The following CTNNA3 variants were observed in gnomAD, a reference collection of about 807,000 sequenced individuals.
The protein encoded by CTNNA3 is catenin alpha 3, also known as catenin alpha-3.
CTNNA3 carries 76 observed loss-of-function variants against 95.7 expected under a neutral mutation model. The ratio of observed to expected loss-of-function variants is 0.79; its 90% CI spans 0.66 to 0.96. CTNNA3 has a LOEUF of 0.96. Ranked by LOEUF, CTNNA3 falls within the 40% of genes least tolerant of loss-of-function variation. The probability of loss-of-function intolerance (pLI) is 0.00; values close to 1 mark genes in which losing one functional copy is unlikely to be tolerated. For synonymous variants in CTNNA3, 431 were observed against 374.4 expected (o/e 1.15, Z -1.74); for missense variants, 1,191 against 1,089.8 (o/e 1.09, Z -1.31).
At chr10:66,703,762 G>T (rs7089600) in intron 9 of CTNNA3, among the ~76,000 whole-genome samples, 1 of 151,958 alleles carries the variant, frequency 6.6e-6, no homozygotes, top group Non-Finnish European at 1.5e-5. Context: ...AATTTTTGTA[G>T]GGGCTACCTC....
intron 7 of CTNNA3, among the ~76,000 whole-genome samples, chr10:67,058,629 G>T (rs1333540311): frequency 6.6e-6 from 1 of 151,960 alleles, no homozygotes; most frequent in Non-Finnish European, 1.5e-5. Context: ...GTGCGCAGAA[G>T]CCCAGAGAGC....
intron 5 of CTNNA3, among the ~76,000 whole-genome samples, chr10:67,517,306 A>G (rs983043014): frequency 1.3e-5 from 2 of 152,186 alleles, no homozygotes; most frequent in Non-Finnish European, 2.9e-5. Flanking sequence ...CATGAAAAAG[A>G]TAAGAGATAA....
At chr10:66,498,619 G>T (rs1840176000) in intron 11 of CTNNA3, among the ~76,000 whole-genome samples, 1 of 152,094 alleles carries the variant, frequency 6.6e-6, no homozygotes, top group African/African-American at 2.4e-5. Flanking sequence ...AAACACATCA[G>T]ATTTTACATT....
chr10:67,437,294 G>A (rs558041393), intron 5 of CTNNA3, among the ~76,000 whole-genome samples: 1 of 152,126 alleles, frequency 6.6e-6, no homozygotes, highest in Admixed American at 6.6e-5. Flanking sequence ...GCATAAGAAT[G>A]ATACAATGGA....
chr10:67,620,424 A>G (rs1354960041), intron 2 of CTNNA3, among the ~76,000 whole-genome samples: 1 of 152,064 alleles, frequency 6.6e-6, no homozygotes, highest in African/African-American at 2.4e-5. Flanking sequence ...AACACCCTCA[A>G]CCCAATCTCC....
chr10:66,763,845 C>T (rs1447155495), intron 9 of CTNNA3, among the ~76,000 whole-genome samples: 2 of 152,154 alleles, frequency 1.3e-5, no homozygotes, highest in Non-Finnish European at 2.9e-5. Context: ...TGACAGTTAA[C>T]GCACTTCCAG....
intron 10 of CTNNA3, among the ~76,000 whole-genome samples, chr10:66,613,805 G>C (rs1218412784): frequency 6.6e-6 from 1 of 152,056 alleles, no homozygotes; most frequent in East Asian, 1.9e-4. Flanking sequence ...TAAAAGGCCT[G>C]ATATGGCTTT....
chr10:66,132,377 C>T (rs1162767908), intron 13 of CTNNA3, among the ~76,000 whole-genome samples: 1 of 152,058 alleles, frequency 6.6e-6, no homozygotes, highest in East Asian at 1.9e-4. Context: ...GTCAAAATGG[C>T]TATTAATAAA....
At chr10:66,633,472 A>C (rs912079574) in intron 9 of CTNNA3, among the ~76,000 whole-genome samples, 3 of 152,118 alleles carry the variant, frequency 2.0e-5, no homozygotes, top group Non-Finnish European at 2.9e-5. Context: ...CGAGGTCAGG[A>C]GATCAAGACC....
chr10:66,915,062 T>C (rs1189892108), intron 7 of CTNNA3, among the ~76,000 whole-genome samples: 1 of 151,802 alleles, frequency 6.6e-6, no homozygotes, highest in Non-Finnish European at 1.5e-5. Context: ...ATTTGTCCAA[T>C]AGAAGTTTCA....
At chr10:66,666,531 A>G (rs1589095624) in intron 9 of CTNNA3, among the ~76,000 whole-genome samples, 2 of 152,286 alleles carry the variant, frequency 1.3e-5, no homozygotes, top group Admixed American at 6.5e-5. Context: ...TAGGTATAAT[A>G]AGGACACCTT....
intron 7 of CTNNA3, among the ~76,000 whole-genome samples, chr10:67,109,545 C>G (rs1858810902): frequency 6.6e-6 from 1 of 152,130 alleles, no homozygotes; most frequent in Non-Finnish European, 1.5e-5. Flanking sequence ...TTCTGATTTT[C>G]CTACTTAAGA....
At chr10:66,064,537 C>G (rs550774294) in intron 15 of CTNNA3, among the ~76,000 whole-genome samples, 8 of 152,138 alleles carry the variant, frequency 5.3e-5, no homozygotes, top group African/African-American at 1.7e-4. Flanking sequence ...TTAAAGATGG[C>G]CTTTATTTAA....
chr10:66,785,395 C>T (rs1453419561), intron 7 of CTNNA3, among the ~76,000 whole-genome samples: 1 of 152,170 alleles, frequency 6.6e-6, no homozygotes, highest in Non-Finnish European at 1.5e-5. Flanking sequence ...AAAATGCCTC[C>T]ACCAAGGTGA....
At chr10:67,514,978 A>G (rs987240847) in intron 5 of CTNNA3, among the ~76,000 whole-genome samples, 2 of 151,954 alleles carry the variant, frequency 1.3e-5, no homozygotes, top group Non-Finnish European at 2.9e-5. Flanking sequence ...GAGACAACAG[A>G]CGGAAACAGA....
At chr10:66,786,057 C>A (rs1840727654) in intron 7 of CTNNA3, among the ~76,000 whole-genome samples, 1 of 152,108 alleles carries the variant, frequency 6.6e-6, no homozygotes, top group Admixed American at 6.6e-5. Flanking sequence ...CAACTCCTGG[C>A]AGAAGTCTTC....
intron 5 of CTNNA3, among the ~76,000 whole-genome samples, chr10:67,477,743 G>T: frequency 6.6e-6 from 1 of 152,274 alleles, no homozygotes; most frequent in South Asian, 2.1e-4. Context: ...CTACAGATGA[G>T]AAGGAACCAG....
At chr10:67,542,588 G>A (rs1840714809) in intron 3 of CTNNA3, among the ~76,000 whole-genome samples, 1 of 152,018 alleles carries the variant, frequency 6.6e-6, no homozygotes, top group Non-Finnish European at 1.5e-5. Flanking sequence ...ATAGATATCA[G>A]TATGAAACAG....
intron 8 of CTNNA3, 95 bp downstream of exon 8, chr10:66,775,349 T>A: frequency 1.2e-6 from 1 of 803,994 alleles, no homozygotes. Context: ...TAAATTAATT[T>A]GAAAGGAACA....
Sources: gnomAD v4.1 joint callset for allele counts (sites outside exome capture counted in the v4.1 genomes callset) on GRCh38, gnomAD v4.1.1 for gene constraint, MANE v1.5 for transcripts, NCBI Gene and HGNC (gene_info 2026-07-23, HGNC 2026-07-21) for gene names.